CPA1: variants seen among roughly 807,000 people sequenced by gnomAD.
CPA1 encodes the protein carboxypeptidase A1 (pancreatic).
A neutral mutation model predicts 48.7 loss-of-function variants in CPA1; 42 were observed. The ratio of observed to expected loss-of-function variants is 0.86; its 90% CI spans 0.67 to 1.11. The LOEUF (loss-of-function observed/expected upper bound fraction) is 1.11, where lower values mean the gene tolerates loss of function less well. Among genes scored for constraint, CPA1 ranks in the 50% most tolerant of loss-of-function variants. The probability of loss-of-function intolerance (pLI) is 0.00; values close to 1 mark genes in which losing one functional copy is unlikely to be tolerated. For synonymous variants in CPA1, 203 were observed against 217.9 expected (o/e 0.93, Z 0.60); for missense variants, 477 against 544.7 (o/e 0.88, Z 1.24).
At position 130,381,128 on chromosome 7, in the gene CPA1, T is replaced by C. The variant is rs1331581809; in HGVS notation, c.96T>C (p.Asp32=). ...GHQVLRISVA[D]EAQVQKVKEL... ...AGGTGCTCCGAATCTCTGTAGCCGA[T>C]GAGGCCCAGGTACAGAAGGTGAAGG... The change falls in exon 2 of 10, where the codon GAT becomes GAC. Residue 32 remains aspartate, a synonymous_variant. Transcript: ENST00000011292. 3.0e-5 allele frequency: 48 copies of C among 1,613,508 alleles called. No homozygotes were observed. Among genetic ancestry groups the C allele is most frequent in the Non-Finnish European group, 3.7e-5 (44 of 1,179,806 alleles).
At position 130,387,760 on chromosome 7, in the gene CPA1, C is replaced by T. The variant is rs532593661; in HGVS notation, c.1073-64C>T. The T allele has an allele frequency of 4.8e-6, 7 of 1,473,372 alleles. No homozygotes were observed. The Admixed American group carries it at 8.7e-5, about 18-fold the overall frequency. 91.3% of individuals were successfully genotyped at this position (1,473,372 alleles called of 1,614,324 possible). ...GCTTTGGACAGGGTTGGATCGTTAA[C>T]CCAACCCGTGTAAATATTCCCAAAG... is the stretch of plus-strand genomic sequence containing the variant. On this transcript the variant is annotated intron_variant, in intron 9 of 9. Coordinates refer to ENST00000011292, the MANE Select transcript of CPA1 (RefSeq NM_001868.4). The surrounding 1 kb of genome is among the most constrained non-coding windows in gnomAD (Gnocchi z 4.6).
intron 9 of CPA1, among the ~76,000 whole-genome samples, chr7:130,386,509 G>C (rs571026892): frequency 6.6e-6 from 1 of 151,956 alleles, no homozygotes; most frequent in Admixed American, 6.5e-5. Context: ...TCCAGCCTGG[G>C]CGACACAGCG....
chr7:130,385,413 A>T (rs1174688956), intron 8 of CPA1, 68 bp downstream of exon 8: 1 of 1,427,948 alleles, frequency 7.0e-7, no homozygotes. Context: ...GCTTTCCCCC[A>T]TCAGACCTGC....
chr7:130,385,156 C>T lies in CPA1; in HGVS notation c.798C>T (p.Ala266=). 2.5e-6 allele frequency: 4 copies of T among 1,614,186 alleles called. No individual in the cohort carries two copies. The highest frequency in any genetic ancestry group is 3.4e-6 in the Non-Finnish European group (4 of 1,180,038). The stretch of plus-strand genomic sequence containing the variant: ...TCTGTCCCCCCACAGTGTCCGGAGC[C>T]AGCAGTAACCCCTGCTCGGAGACTT... ...NWDAGFGLSG[A]SSNPCSETYH... is the part of the protein sequence containing the mutation. The change falls in exon 8 of 10, where the codon GCC becomes GCT. Residue 266 remains alanine, a synonymous_variant. Coordinates refer to ENST00000011292, the MANE Select transcript of CPA1 (RefSeq NM_001868.4).
Position 130,384,439 on chromosome 7 carries a change from C to A in CPA1, c.697-97C>A, listed in dbSNP as rs1796445653. On this transcript the variant is annotated intron_variant, in intron 6 of 9. Coordinates refer to ENST00000011292, the MANE Select transcript of CPA1 (RefSeq NM_001868.4). ...ACCTCCAGGGAGCCCTCCCCTCAGT[C>A]CACTCTGCTCTCTGCAGCCTCTGAA... 31 of 1,039,430 alleles carry A rather than the reference C, an allele frequency of 3.0e-5. 2 individuals are homozygous for A. The South Asian group carries it at 3.8e-4, about 13-fold the overall frequency. 64.4% of individuals were successfully genotyped at this position (1,039,430 alleles called of 1,614,324 possible).
intron 3 of CPA1, 42 bp downstream of exon 3, chr7:130,381,905 C>G: frequency 6.4e-7 from 1 of 1,562,264 alleles, no homozygotes; most frequent in Admixed American, 1.7e-5. Context: ...GCCACCAGCT[C>G]TTCATCATGG....
chr7:130,383,561 G>A (rs995345073), intron 5 of CPA1, 69 bp downstream of exon 5: 48 of 1,470,238 alleles, frequency 3.3e-5, no homozygotes, highest in East Asian at 2.0e-4. Context: ...ACAGAAGCCC[G>A]GGCCTCCCTT....
chr7:130,380,621 G>T, intron 1 of CPA1, 36 bp downstream of exon 1: 2 of 1,181,812 alleles, frequency 1.7e-6, no homozygotes, highest in South Asian at 6.6e-5. Flanking sequence ...CCCTCTGAGG[G>T]TGATGGGGAG....
intron 4 of CPA1, among the ~76,000 whole-genome samples, chr7:130,382,901 C>T (rs1796425255): frequency 6.6e-6 from 1 of 152,036 alleles, no homozygotes; most frequent in Non-Finnish European, 1.5e-5. Flanking sequence ...CCTCGGACTC[C>T]CAAAGTGCTG....
Position 130,382,084 on chromosome 7 carries a change from G to A in CPA1, c.382-24G>A, listed in dbSNP as rs1236172407. 8 of 1,596,572 alleles carry A rather than the reference G, an allele frequency of 5.0e-6. No individual in the cohort carries two copies. The African/African-American group carries it at 6.7e-5, about 13-fold the overall frequency. ...GGGTGCCCAGAAGCTATTAAGGCCA[G>A]TGGTCTCTTCTTTCACACCTCAGAT... On this transcript the variant is annotated intron_variant, in intron 3 of 9. Coordinates refer to ENST00000011292, the MANE Select transcript of CPA1 (RefSeq NM_001868.4).
At chr7:130,383,858 T>C in intron 6 of CPA1, 64 bp downstream of exon 6, 1 of 1,169,050 alleles carries the variant, frequency 8.6e-7, no homozygotes, top group East Asian at 2.3e-5. Flanking sequence ...GCTGCACAAG[T>C]AGTTCACCCC....
At chr7:130,381,308 A>G in intron 2 of CPA1, 129 bp downstream of exon 2, 1 of 665,616 alleles carries the variant, frequency 1.5e-6, no homozygotes, top group Non-Finnish European at 2.6e-6. Flanking sequence ...CTCTGTTAGG[A>G]AGCGACTTCA....
chr7:130,381,832 T>C lies in CPA1; in HGVS notation c.350T>C (p.Phe117Ser). Residue 117 changes from phenylalanine to serine, a missense_variant, in exon 3 of 10, where the codon TTT (phenylalanine) becomes TCT (serine). Coordinates refer to ENST00000011292, the MANE Select transcript of CPA1 (RefSeq NM_001868.4). The part of the protein sequence containing the change: ...FRSRARSTDT[F>S]NYATYHTLEE... Reference sequence around the variant, plus strand: ...TCCCGGGCGCGCTCCACCGACACTTTTAACTACGCCACCTACCACACCCTG... The same window carrying C: ...TCCCGGGCGCGCTCCACCGACACTTCTAACTACGCCACCTACCACACCCTG... 1 of 1,614,016 alleles carries C rather than the reference T, an allele frequency of 6.2e-7. No homozygotes were observed. The highest frequency in any genetic ancestry group is 8.5e-7 in the Non-Finnish European group (1 of 1,179,998).
intron 4 of CPA1, among the ~76,000 whole-genome samples, chr7:130,382,673 G>C (rs1001268032): frequency 6.1e-5 from 7 of 114,340 alleles, no homozygotes; most frequent in African/African-American, 1.8e-4. Flanking sequence ...GTCTTACTCT[G>C]TCACCCAGGC....
intron 5 of CPA1, 29 bp from the exon 6 acceptor site, chr7:130,383,655 G>C: frequency 6.4e-7 from 1 of 1,560,714 alleles, no homozygotes; most frequent in Non-Finnish European, 8.8e-7. Flanking sequence ...CCCAGCCTGC[G>C]CTGCCCCTCT....
intron 4 of CPA1, among the ~76,000 whole-genome samples, chr7:130,382,858 T>A (rs1369999810): frequency 1.3e-5 from 2 of 151,616 alleles, no homozygotes; most frequent in African/African-American, 2.4e-5. Flanking sequence ...TTAGCCAGGA[T>A]GGTCTCGATC....
At chr7:130,385,804 C>G in intron 8 of CPA1, 35 bp from the exon 9 acceptor site, 1 of 1,575,514 alleles carries the variant, frequency 6.3e-7, no homozygotes, top group Non-Finnish European at 8.7e-7. Context: ...AGGAGCCTGG[C>G]CATGACAGGT....
intron 6 of CPA1, 104 bp from the exon 7 acceptor site, chr7:130,384,432 C>G (rs782724655): frequency 1.2e-5 from 12 of 972,484 alleles, no homozygotes; most frequent in Non-Finnish European, 1.9e-5. Context: ...GGAGCCCTCC[C>G]CTCAGTCCAC....
rs368689434 is a variant in CPA1 at position 130,384,613 on chromosome 7, C to T, written c.774C>T (p.Asp258=). The change falls in exon 7 of 10, where the codon GAC becomes GAT. Residue 258 remains aspartate, a synonymous_variant. Coordinates refer to ENST00000011292, the MANE Select transcript of CPA1 (RefSeq NM_001868.4). ...GCGTGGACCCCAACAGGAACTGGGA[C>T]GCTGGCTTTGGGTGTAAGGCCCAGA... ...CIGVDPNRNW[D]AGFGLSGASS... 7.2e-5 allele frequency: 117 copies of T among 1,613,946 alleles called. No individual in the cohort carries two copies. Among genetic ancestry groups the T allele is most frequent in the South Asian group, 1.4e-4 (13 of 91,078 alleles).
Sources: allele counts gnomAD v4.1 joint callset (sites outside exome capture counted in the v4.1 genomes callset), GRCh38; gene constraint gnomAD v4.1.1; non-coding constraint Gnocchi (gnomAD v3.1); transcripts MANE v1.5; gene names NCBI Gene and HGNC (gene_info 2026-07-23, HGNC 2026-07-21).